NCOA2: variants seen among roughly 807,000 people sequenced by gnomAD.
The protein encoded by NCOA2 is class E basic helix-loop-helix protein 75.
Under a neutral mutation model 145.1 loss-of-function variants are expected in NCOA2, and 21 were observed. That is an observed-to-expected ratio of 0.14 (90% CI 0.10 to 0.21). NCOA2 has a LOEUF of 0.21. NCOA2 is among the 10% of genes least tolerant of loss of function. The probability of loss-of-function intolerance (pLI) is 1.00; values close to 1 mark genes in which losing one functional copy is unlikely to be tolerated. For missense variants in NCOA2, 1,472 were observed against 1,837.6 expected (o/e 0.80, Z 3.64); for synonymous variants, 619 against 637.5 (o/e 0.97, Z 0.44).
At chr8:70,224,884 T>C (rs566340338) in intron 2 of NCOA2, among the ~76,000 whole-genome samples, 34 of 151,992 alleles carry the variant, frequency 2.2e-4, no homozygotes, top group Non-Finnish European at 4.4e-4. Flanking sequence ...TACAATATCA[T>C]GGCTAGGCGC....
chr8:70,159,244 T>TATATATATACATATGTATATATA, intron 10 of NCOA2, among the ~76,000 whole-genome samples: 1 of 69,304 alleles, frequency 1.4e-5, no homozygotes, highest in Non-Finnish European at 2.9e-5. Context: ...ATATATATAT[T>TATATATATACATATGTATATATA]TTTTTTTTTT....
At chr8:70,184,125 G>C (rs140899901) in intron 4 of NCOA2, among the ~76,000 whole-genome samples, 1 of 152,156 alleles carries the variant, frequency 6.6e-6, no homozygotes, top group African/African-American at 2.4e-5. Context: ...AGGTCAGACC[G>C]TATTTGCTAA....
chr8:70,324,630 CA>C lies in NCOA2; in HGVS notation c.-76-27831del, dbSNP rs777649399. ...GCTCACGAGCCATGGTGTCCAACCC[CA>C]AAAAAAAAAAGGTACTCATATAGGA... On this transcript the variant is annotated intron_variant, in intron 1 of 22. Coordinates refer to ENST00000452400, the MANE Select transcript of NCOA2 (RefSeq NM_006540.4). Among the ~76,000 whole-genome samples, 1,052 of 141,152 alleles carry C rather than the reference CA, an allele frequency of 7.5e-3. 5 individuals are homozygous for C. Among genetic ancestry groups the C allele is most frequent in the African/African-American group, 0.022 (847 of 38,896 alleles). 92.6% of individuals were successfully genotyped at this position (141,152 alleles called of 152,430 possible).
chr8:70,347,739 A>G (rs570855652), intron 1 of NCOA2, among the ~76,000 whole-genome samples: 1 of 152,308 alleles, frequency 6.6e-6, no homozygotes, highest in South Asian at 2.1e-4. Flanking sequence ...TCAATGCCTC[A>G]ACTATAATGT....
the NCOA2 span, among the ~76,000 whole-genome samples, chr8:70,423,850 C>A: frequency 6.6e-6 from 1 of 152,290 alleles, no homozygotes; most frequent in East Asian, 1.9e-4. Context: ...TGTCCCACAG[C>A]AGCAATAGAG....
chr8:70,298,787 C>T (rs917642720), intron 1 of NCOA2, among the ~76,000 whole-genome samples: 5 of 152,128 alleles, frequency 3.3e-5, no homozygotes, highest in African/African-American at 4.8e-5. Flanking sequence ...GTTAGCCGGG[C>T]GCGGTGGTTC....
chr8:70,367,283 CTG>C (rs753964390), intron 1 of NCOA2, among the ~76,000 whole-genome samples: 1 of 152,186 alleles, frequency 6.6e-6, no homozygotes, highest in Non-Finnish European at 1.5e-5. Flanking sequence ...TGAAAAGACA[CTG>C]AATACTGTTT....
At chr8:70,339,673 C>T (rs1807944264) in intron 1 of NCOA2, among the ~76,000 whole-genome samples, 1 of 152,236 alleles carries the variant, frequency 6.6e-6, no homozygotes, top group East Asian at 1.9e-4. Flanking sequence ...ATCACACTAC[C>T]CGACTTCAAG....
intron 1 of NCOA2, among the ~76,000 whole-genome samples, chr8:70,385,009 T>C (rs1448488479): frequency 1.3e-5 from 2 of 152,238 alleles, no homozygotes; most frequent in African/African-American, 2.4e-5. Context: ...TAATTCATAA[T>C]GTATCCTTAT....
chr8:70,110,587 C>T lies in NCOA2; in HGVS notation c.*3045G>A, dbSNP rs2131089838. 1 of 208,454 alleles carries T rather than the reference C, an allele frequency of 4.8e-6. No homozygotes were observed. The allele number at this position is 208,454 out of a possible 1,614,324, so 12.9% of individuals were successfully genotyped here. A position where few individuals can be genotyped will look rare whatever the true frequency, so the allele number is the denominator to read the frequency against. ...TAATGGCTTAAGTTGCATTTCAAAA[C>T]TGATTGTGTATCTTTGGGTTCTGCA... is the stretch of plus-strand genomic sequence containing the variant. On this transcript the variant is annotated 3_prime_UTR_variant, in exon 23 of 23. Coordinates refer to ENST00000452400, the MANE Select transcript of NCOA2 (RefSeq NM_006540.4).
intron 2 of NCOA2, among the ~76,000 whole-genome samples, chr8:70,261,764 C>T (rs760939086): frequency 3.9e-5 from 6 of 151,906 alleles, no homozygotes; most frequent in Admixed American, 2.0e-4. Flanking sequence ...CCACACCACC[C>T]GAGCCCCTAT....
At chr8:70,208,624 G>A (rs535872230) in intron 4 of NCOA2, among the ~76,000 whole-genome samples, 1 of 152,352 alleles carries the variant, frequency 6.6e-6, no homozygotes, top group East Asian at 1.9e-4. Context: ...CTGGTGACTT[G>A]AAGTAAATGT....
chr8:70,337,091 T>C (rs185144700), intron 1 of NCOA2, among the ~76,000 whole-genome samples: 136 of 152,250 alleles, frequency 8.9e-4, no homozygotes, highest in Non-Finnish European at 1.7e-3. Flanking sequence ...ACAAAACAAA[T>C]TGAGTGCCAA....
intron 1 of NCOA2, among the ~76,000 whole-genome samples, chr8:70,370,039 C>T (rs1026661445): frequency 5.3e-5 from 8 of 152,028 alleles, no homozygotes; most frequent in African/African-American, 1.9e-4. Context: ...GGGTGTGCCA[C>T]CACAAAGGGC....
chr8:70,451,590 A>AT, the NCOA2 span, among the ~76,000 whole-genome samples: 43,518 of 150,766 alleles, frequency 0.29, 8,545 homozygotes, highest in African/African-American at 0.56. Context: ...ATTTTAAACT[A>AT]TTTTTTTTTA....
At chr8:70,371,231 G>A (rs937299211) in intron 1 of NCOA2, among the ~76,000 whole-genome samples, 1 of 152,102 alleles carries the variant, frequency 6.6e-6, no homozygotes, top group South Asian at 2.1e-4. Flanking sequence ...GGAGCTTGCA[G>A]TGAGCTGAGA....
rs539581615 is a variant in NCOA2, at chr8:70,284,047, C to T, written c.-20+12697G>A. 2.0e-5 allele frequency among the ~76,000 whole-genome samples: 3 copies of T among 152,256 alleles called. No individual in the cohort carries two copies. In the South Asian group the frequency reaches 6.2e-4, roughly 32 times the overall value. Reference sequence around the variant, plus strand: ...TTCCCCTCCATGTTAGAAACAGCCCCCTCTCCTCACTAGATGACTGCCAAG... The same window carrying T: ...TTCCCCTCCATGTTAGAAACAGCCCTCTCTCCTCACTAGATGACTGCCAAG... On this transcript the variant is annotated intron_variant, in intron 2 of 22. Transcript: ENST00000452400.
At chr8:70,268,948 T>TA (rs892304743) in intron 2 of NCOA2, among the ~76,000 whole-genome samples, 9 of 152,144 alleles carry the variant, frequency 5.9e-5, no homozygotes, top group African/African-American at 2.2e-4. Context: ...TCTGTAAAGA[T>TA]AAATATTTAT....
chr8:70,160,840 C>A (rs983308072), intron 9 of NCOA2, among the ~76,000 whole-genome samples: 3 of 152,202 alleles, frequency 2.0e-5, no homozygotes, highest in African/African-American at 7.2e-5. Flanking sequence ...CAATGTTAGT[C>A]TGAAGTGGAA....
Sources: gnomAD v4.1 joint callset for allele counts (sites outside exome capture counted in the v4.1 genomes callset) on GRCh38, gnomAD v4.1.1 for gene constraint, MANE v1.5 for transcripts, NCBI Gene and HGNC (gene_info 2026-07-23, HGNC 2026-07-21) for gene names.